The following CHCHD1 variants were observed in gnomAD, a reference collection of about 807,000 sequenced individuals.
The protein encoded by CHCHD1 is coiled-coil-helix-coiled-coil-helix domain containing 1.
Under a neutral mutation model 12.7 loss-of-function variants are expected in CHCHD1, and 12 were observed. The ratio of observed to expected loss-of-function variants is 0.95; its 90% CI spans 0.61 to 1.53. The LOEUF (loss-of-function observed/expected upper bound fraction) is 1.53, where lower values mean the gene tolerates loss of function less well. CHCHD1 is among the 40% of genes most tolerant of loss of function. The pLI, the probability that CHCHD1 is intolerant of heterozygous loss-of-function variation, is 0.00. For missense variants in CHCHD1, 151 were observed against 155.8 expected, an observed-to-expected ratio of 0.97 and a Z score of 0.17; for synonymous variants, 57 against 62.4, an observed-to-expected ratio of 0.91 and a Z score of 0.41.
chr10:73,782,316 C>T lies in CHCHD1; in HGVS notation c.125-7C>T, dbSNP rs1565060415. On this transcript the variant is annotated splice_region_variant and splice_polypyrimidine_tract_variant and intron_variant, in intron 1 of 2. Transcript: ENST00000372833. ...TGACTGAAGGTCCCCCGGATCTGCCCCTCCAGAGGCGACTTGCATCACGGA... is the reference window on the plus strand; with the variant it reads ...TGACTGAAGGTCCCCCGGATCTGCCTCTCCAGAGGCGACTTGCATCACGGA... 6.2e-7 allele frequency: 1 copy of T among 1,613,016 alleles called. No individual in the cohort carries two copies. Among genetic ancestry groups the T allele is most frequent in the Non-Finnish European group, 8.5e-7 (1 of 1,179,228 alleles).
rs1420495803 is a variant in CHCHD1 at position 73,782,111 on chromosome 10, G to T, written c.36G>T (p.Arg12=). 9.3e-6 allele frequency: 15 copies of T among 1,613,286 alleles called. No individual in the cohort carries two copies. Among genetic ancestry groups the T allele is most frequent in the Non-Finnish European group, 1.2e-5 (14 of 1,179,958 alleles). Reference sequence around the variant, plus strand: ...CCAGCCTGCGGGGTCGTCTGGCGCGGTTTGGGAACCCGCGGAAGCCTGTGC... The same window carrying T: ...CCAGCCTGCGGGGTCGTCTGGCGCGTTTTGGGAACCCGCGGAAGCCTGTGC... ...ATPSLRGRLA[R]FGNPRKPVLK... The change falls in exon 1 of 3, where the codon CGG becomes CGT. Residue 12 remains arginine (R), a synonymous_variant. Transcript: ENST00000372833.
In CHCHD1 at chr10:73,783,470, C is replaced by T; in HGVS notation, c.*283C>T. 3.2e-6 allele frequency: 1 copy of T among 312,240 alleles called. No homozygotes were observed. The highest frequency in any genetic ancestry group is 5.9e-6 in the Non-Finnish European group (1 of 168,108). 19.3% of individuals were successfully genotyped at this position (312,240 alleles called of 1,614,324 possible). A position where few individuals can be genotyped will look rare whatever the true frequency, so the allele number is the denominator to read the frequency against. On this transcript the variant is annotated 3_prime_UTR_variant, in exon 3 of 3. Transcript: ENST00000372833. ...TTCCTGATTTGCCCTAGGAGCAGGA[C>T]AAATACCGTTGTATTGTCTTTCCCT...
rs894504484 is a variant in CHCHD1 at position 73,782,094 on chromosome 10, C to G, written c.19C>G (p.Arg7Gly). MATPSL[R>G]GRLARFGNPR... ...GTGCGCTATGGCGACACCCAGCCTGCGGGGTCGTCTGGCGCGGTTTGGGAA... is the reference window on the plus strand; with the variant it reads ...GTGCGCTATGGCGACACCCAGCCTGGGGGGTCGTCTGGCGCGGTTTGGGAA... The change falls in exon 1 of 3, where the codon CGG becomes GGG. Residue 7 changes from arginine (R) to glycine (G), a missense_variant. Transcript: ENST00000372833. 20 of 1,613,208 alleles carry G rather than the reference C, an allele frequency of 1.2e-5. No individual in the cohort carries two copies. The highest frequency in any genetic ancestry group is 1.6e-5 in the Non-Finnish European group (19 of 1,179,916).
chr10:73,783,016 A>C, intron 2 of CHCHD1, 58 bp from the exon 3 acceptor site: 1 of 1,361,226 alleles, frequency 7.3e-7, no homozygotes, highest in South Asian at 1.2e-5. Flanking sequence ...CAGATCTTAA[A>C]AGTCTGGACT....
intron 2 of CHCHD1, chr10:73,782,663 A>C: frequency 8.5e-7 from 1 of 1,180,380 alleles, no homozygotes; most frequent in Non-Finnish European, 1.1e-6. Flanking sequence ...AGGCTAACCA[A>C]TACCACCTTA....
chr10:73,782,202 G>T lies in CHCHD1; in HGVS notation c.124+3G>T, dbSNP rs746079081. The T allele has an allele frequency of 1.2e-6, 2 of 1,613,864 alleles. No individual in the cohort carries two copies. The highest frequency in any genetic ancestry group is 1.1e-5 in the South Asian group (1 of 91,054). On this transcript the variant is annotated splice_donor_region_variant and intron_variant, in intron 1 of 2. Transcript: ENST00000372833. The stretch of plus-strand genomic sequence containing the variant: ...GGAGCGGCGCCGGGAGAAGGGCGGT[G>T]AGCAGTCGGAGTCAGGACGGCCCCG...
intron 2 of CHCHD1, 76 bp downstream of exon 2, chr10:73,782,517 G>A (rs745549644): frequency 1.9e-6 from 3 of 1,598,432 alleles, no homozygotes; most frequent in Non-Finnish European, 1.7e-6. Flanking sequence ...CCTGCCTTTT[G>A]CTAGGAAAGG....
Position 73,782,419 on chromosome 10 carries a change from T to TC in CHCHD1, c.222dup (p.Asp75ArgfsTer29), listed in dbSNP as rs2083107176. The TC allele has an allele frequency of 6.2e-7, 1 of 1,614,034 alleles. No homozygotes were observed. Among genetic ancestry groups the TC allele is most frequent in the Admixed American group, 1.7e-5 (1 of 59,990 alleles). Reference sequence around the variant, plus strand: ...TGCAGAAAAGAGATCCAGGGCTTCCTCGATTGTGCCGCGAGGGCTCAGGTG... The same window carrying TC: ...TGCAGAAAAGAGATCCAGGGCTTCCTCCGATTGTGCCGCGAGGGCTCAGGTG... On this transcript the variant is annotated frameshift_variant, in exon 2 of 3. Transcript: ENST00000372833. LOFTEE classifies it high-confidence loss of function.
Position 73,783,429 on chromosome 10 carries a change from C to CTGT in CHCHD1, c.*242_*243insTGT. 2.5e-6 allele frequency: 1 copy of CTGT among 400,788 alleles called. No individual in the cohort carries two copies. The highest frequency in any genetic ancestry group is 4.5e-6 in the Non-Finnish European group (1 of 222,940). The allele number at this position is 400,788 out of a possible 1,614,324, so 24.8% of individuals were successfully genotyped here. On this transcript the variant is annotated 3_prime_UTR_variant, in exon 3 of 3. Coordinates refer to ENST00000372833, the MANE Select transcript of CHCHD1 (RefSeq NM_203298.3). ...CTTCATTCTTGAGCCTCCCCTAGACCCTGGAAATTCTTTCCTTCCTGATTT... is the reference window on the plus strand; with the variant it reads ...CTTCATTCTTGAGCCTCCCCTAGACCTGTCTGGAAATTCTTTCCTTCCTGATTT...
chr10:73,782,724 A>G (rs2083108952), intron 2 of CHCHD1: 1 of 731,640 alleles, frequency 1.4e-6, no homozygotes, highest in Non-Finnish European at 2.1e-6. Flanking sequence ...ATCATTTTGA[A>G]AAATGTAAAT....
Position 73,782,369 on chromosome 10 carries a change from G to A in CHCHD1, c.171G>A (p.Lys57=), listed in dbSNP as rs1281456483. The A allele has an allele frequency of 1.2e-6, 2 of 1,614,226 alleles. No individual in the cohort carries two copies. The highest frequency in any genetic ancestry group is 3.3e-5 in the Admixed American group (2 of 60,034). The change falls in exon 2 of 3, where the codon AAG becomes AAA. Residue 57 remains lysine (K), a synonymous_variant. Transcript: ENST00000372833. Reference sequence around the variant, plus strand: ...TGTCGGTGATGATGGCTTGCTGGAAGCAGAATGAATTCCGCGACGATGCGT... The same window carrying A: ...TGTCGGTGATGATGGCTTGCTGGAAACAGAATGAATTCCGCGACGATGCGT... The part of the protein sequence containing the change: ...TEMSVMMACW[K]QNEFRDDACR...
In CHCHD1 at chr10:73,783,283, G is replaced by A; in HGVS notation, c.*96G>A. Reference sequence around the variant, plus strand: ...GGCATTGCCATGCCCTCTTTGGAGGGTAGAAGAGGCAAAACACTTTTTTCA... The same window carrying A: ...GGCATTGCCATGCCCTCTTTGGAGGATAGAAGAGGCAAAACACTTTTTTCA... On this transcript the variant is annotated 3_prime_UTR_variant, in exon 3 of 3. Transcript: ENST00000372833. The A allele has an allele frequency of 2.4e-6, 2 of 848,544 alleles. No individual in the cohort carries two copies. The highest frequency in any genetic ancestry group is 2.3e-4 in the Middle Eastern group (1 of 4,398). 52.6% of individuals were successfully genotyped at this position (848,544 alleles called of 1,614,324 possible).
At position 73,782,454 on chromosome 10, in the gene CHCHD1, T is replaced by A; in HGVS notation, c.243+13T>A. On this transcript the variant is annotated intron_variant, in intron 2 of 2. Coordinates refer to ENST00000372833, the MANE Select transcript of CHCHD1 (RefSeq NM_203298.3). ...CGCGAGGGCTCAGGTGACCGATGGC[T>A]CCTGGGGTGCTTTCTCAGGAAAAGA... 1 of 1,614,050 alleles carries A rather than the reference T, an allele frequency of 6.2e-7. No individual in the cohort carries two copies. The highest frequency in any genetic ancestry group is 8.5e-7 in the Non-Finnish European group (1 of 1,179,958).
At position 73,782,080 on chromosome 10, in the gene CHCHD1, C is replaced by T. The variant is rs777725979; in HGVS notation, c.5C>T (p.Ala2Val). Residue 2 changes from alanine (A) to valine (V), a missense_variant, in exon 1 of 3, where the codon GCG becomes GTG. Physicochemically the swap from Ala to Val is moderately conservative, Grantham distance 64. Transcript: ENST00000372833. ...CTGCCGGGAGCTTGGTGCGCTATGG[C>T]GACACCCAGCCTGCGGGGTCGTCTG... M[A>V]TPSLRGRLAR... 36 of 1,612,848 alleles carry T rather than the reference C, an allele frequency of 2.2e-5. 1 individual carries two copies. Among genetic ancestry groups the T allele is most frequent in the Non-Finnish European group, 2.9e-5 (34 of 1,179,818 alleles).
Position 73,782,435 on chromosome 10 carries a change from G to T in CHCHD1, c.237G>T (p.Arg79Ser), listed in dbSNP as rs369799289. The change falls in exon 2 of 3, where the codon AGG becomes AGT. Residue 79 changes from arginine to serine, a missense_variant. Transcript: ENST00000372833. ...AGGGCTTCCTCGATTGTGCCGCGAGGGCTCAGGTGACCGATGGCTCCTGGG... is the reference window on the plus strand; with the variant it reads ...AGGGCTTCCTCGATTGTGCCGCGAGTGCTCAGGTGACCGATGGCTCCTGGG... ...EIQGFLDCAARAQEARKMRSI... is the reference protein window; with the variant it reads ...EIQGFLDCAASAQEARKMRSI... 1 of 1,614,206 alleles carries T rather than the reference G, an allele frequency of 6.2e-7. No individual in the cohort carries two copies. The highest frequency in any genetic ancestry group is 2.2e-5 in the East Asian group (1 of 44,886).
Position 73,783,081 on chromosome 10 carries a change from G to A in CHCHD1, c.251G>A (p.Arg84Gln), listed in dbSNP as rs778494804. The part of the protein sequence containing the change: ...LDCAARAQEA[R>Q]KMRSIQETLG... ...TTTGTTTTGTGTTTTCAGGAAGCCC[G>A]AAAGATGAGATCAATACAGGAAACC... The change falls in exon 3 of 3, where the codon CGA (arginine) becomes CAA (glutamine). Residue 84 changes from arginine (R) to glutamine (Q), a missense_variant. Physicochemically the swap from Arg to Gln is conservative, Grantham distance 43. Coordinates refer to ENST00000372833, the MANE Select transcript of CHCHD1 (RefSeq NM_203298.3). 2 of 1,612,450 alleles carry A rather than the reference G, an allele frequency of 1.2e-6. No individual in the cohort carries two copies. Among genetic ancestry groups the A allele is most frequent in the Admixed American group, 1.7e-5 (1 of 59,954 alleles).
chr10:73,782,330 T>A lies in CHCHD1; in HGVS notation c.132T>A (p.Thr44=), dbSNP rs1167713670. Residue 44 remains threonine (T), a synonymous_variant, in exon 2 of 3, where the codon ACT becomes ACA. Coordinates refer to ENST00000372833, the MANE Select transcript of CHCHD1 (RefSeq NM_203298.3). The part of the protein sequence containing the change: ...GERRREKGEA[T]CITEMSVMMA... ...CCGGATCTGCCCCTCCAGAGGCGAC[T>A]TGCATCACGGAGATGTCGGTGATGA... is the stretch of plus-strand genomic sequence containing the variant. 2 of 1,613,798 alleles carry A rather than the reference T, an allele frequency of 1.2e-6. No homozygotes were observed. Among genetic ancestry groups the A allele is most frequent in the African/African-American group, 2.7e-5 (2 of 74,910 alleles).
In CHCHD1 at chr10:73,783,155, C is replaced by T. The variant is rs1261969246; in HGVS notation, c.325C>T (p.Gln109Ter). ...TCCAAATAAATTGAATAAGTTGTTA[C>T]AGAGGTTTCCTAACAAACCTTACCT... is the stretch of plus-strand genomic sequence containing the variant. ...LLPNKLNKLL[Q>*]RFPNKPYLS The change falls in exon 3 of 3, where the codon CAG becomes TAG. Residue 109 changes from glutamine to a stop codon, truncating the protein, a stop_gained. Transcript: ENST00000372833. LOFTEE classifies it high-confidence loss of function. 17 of 1,613,762 alleles carry T rather than the reference C, an allele frequency of 1.1e-5. No homozygotes were observed. The highest frequency in any genetic ancestry group is 1.4e-5 in the Non-Finnish European group (17 of 1,179,728).
Position 73,783,102 on chromosome 10 carries a change from A to T in CHCHD1, c.272A>T (p.Glu91Val). The T allele has an allele frequency of 1.2e-5, 19 of 1,613,848 alleles. No individual in the cohort carries two copies. Among genetic ancestry groups the T allele is most frequent in the Non-Finnish European group, 1.5e-5 (18 of 1,179,936 alleles). Residue 91 changes from glutamate (E) to valine (V), a missense_variant, in exon 3 of 3, where the codon GAA (glutamate) becomes GTA (valine). By Grantham distance (121) the Glu-to-Val change is moderately radical (BLOSUM62 -2). Coordinates refer to ENST00000372833, the MANE Select transcript of CHCHD1 (RefSeq NM_203298.3). ...GCCCGAAAGATGAGATCAATACAGG[A>T]AACCCTGGGAGAGTCTGGGAGTTTA... ...QEARKMRSIQ[E>V]TLGESGSLLP...
Sources: allele counts gnomAD v4.1 joint callset, GRCh38; gene constraint gnomAD v4.1.1; transcripts MANE v1.5; gene names NCBI Gene and HGNC (gene_info 2026-07-23, HGNC 2026-07-21).